The following UBE2K variants were observed in gnomAD, a reference collection of about 807,000 sequenced individuals.
The protein encoded by UBE2K is ubiquitin conjugating enzyme E2 K, also known as ubiquitin-conjugating enzyme E2 K.
In UBE2K, 6 loss-of-function variants were observed where a neutral mutation model predicts 30.0. The ratio of observed to expected loss-of-function variants is 0.20; its 90% CI spans 0.11 to 0.39. The LOEUF (loss-of-function observed/expected upper bound fraction) is 0.39. UBE2K is among the 10% of genes least tolerant of loss of function. The probability of loss-of-function intolerance (pLI) is 1.00; values close to 1 mark genes in which losing one functional copy is unlikely to be tolerated. For missense variants in UBE2K, 61 were observed against 241.6 expected (o/e 0.25, Z 4.96); for synonymous variants, 86 against 83.7 (o/e 1.03, Z -0.15).
chr4:39,706,278 A>G (rs888419165), intron 1 of UBE2K, among the ~76,000 whole-genome samples: 9 of 151,906 alleles, frequency 5.9e-5, no homozygotes, highest in Non-Finnish European at 1.2e-4. Flanking sequence ...GGCCTCCCAA[A>G]GTGCTGGGAT....
intron 5 of UBE2K, among the ~76,000 whole-genome samples, chr4:39,775,758 C>G (rs1261578590): frequency 6.6e-6 from 1 of 152,120 alleles, no homozygotes; most frequent in Non-Finnish European, 1.5e-5. Context: ...TCTCAAAAAA[C>G]AAATTTGCCA....
chr4:39,770,327 C>G, intron 4 of UBE2K: 1 of 1,613,460 alleles, frequency 6.2e-7, no homozygotes, highest in South Asian at 1.1e-5. Context: ...GATGCACGTT[C>G]CTGTGGTGGT....
intron 4 of UBE2K, among the ~76,000 whole-genome samples, chr4:39,766,263 A>T (rs1245442787): frequency 6.6e-6 from 1 of 152,062 alleles, no homozygotes; most frequent in East Asian, 1.9e-4. Context: ...CAAGTAGTGC[A>T]CAAGAGTTCC....
intron 4 of UBE2K, among the ~76,000 whole-genome samples, chr4:39,767,647 G>C (rs1231537459): frequency 1.3e-5 from 2 of 152,078 alleles, no homozygotes; most frequent in East Asian, 3.9e-4. Flanking sequence ...TTCAAGAAAA[G>C]TGTTTATTGC....
chr4:39,711,464 A>G (rs892303655), intron 1 of UBE2K, among the ~76,000 whole-genome samples: 6 of 151,822 alleles, frequency 4.0e-5, no homozygotes, highest in African/African-American at 1.5e-4. Context: ...GCCCGGCAGC[A>G]TTATTTTTTA....
chr4:39,699,124 G>C (rs576027245), intron 1 of UBE2K, among the ~76,000 whole-genome samples: 2 of 152,262 alleles, frequency 1.3e-5, no homozygotes, highest in African/African-American at 2.4e-5. Flanking sequence ...GCAAAGGCAA[G>C]GTGTTTGGTG....
chr4:39,777,613 AT>A (rs3839129), intron 5 of UBE2K, 68 bp from the exon 6 acceptor site: 109,589 of 1,361,350 alleles, frequency 0.081, 8,969 homozygotes, highest in African/African-American at 0.42. Context: ...ATTGTAGGCG[AT>A]TAAGAGCTGA....
chr4:39,715,951 A>G (rs1183644347), intron 1 of UBE2K, among the ~76,000 whole-genome samples: 1 of 152,202 alleles, frequency 6.6e-6, no homozygotes. Flanking sequence ...TGTCATACTG[A>G]AACTGCTCCT....
intron 1 of UBE2K, among the ~76,000 whole-genome samples, chr4:39,701,505 G>A (rs1474142501): frequency 6.6e-6 from 1 of 152,148 alleles, no homozygotes; most frequent in Admixed American, 6.6e-5. Context: ...AGAAAATAGA[G>A]ATTTAGAGAA....
At position 39,781,824 on chromosome 4, in the gene UBE2K, C is replaced by G. The variant is rs150895830; in HGVS notation, c.*3390C>G. 4,151 of 397,388 alleles carry G rather than the reference C, an allele frequency of 0.01. 30 individuals carry two copies. The highest frequency in any genetic ancestry group is 0.016 in the Middle Eastern group (26 of 1,586). 24.6% of individuals were successfully genotyped at this position (397,388 alleles called of 1,614,324 possible). A position where few individuals can be genotyped will look rare whatever the true frequency, so the allele number is the denominator to read the frequency against. ...TTCAAGGAATTTCAATTCCAGGGTACAAACCATTGATTTAAAAATTACGTT... is the reference window on the plus strand; with the variant it reads ...TTCAAGGAATTTCAATTCCAGGGTAGAAACCATTGATTTAAAAATTACGTT... On this transcript the variant is annotated 3_prime_UTR_variant, in exon 7 of 7. Coordinates refer to ENST00000261427, the MANE Select transcript of UBE2K (RefSeq NM_005339.5).
intron 2 of UBE2K, among the ~76,000 whole-genome samples, chr4:39,743,213 CTT>C (rs930823218): frequency 3.3e-5 from 5 of 152,114 alleles, no homozygotes; most frequent in African/African-American, 9.7e-5. Context: ...TCTTGTTTGA[CTT>C]TTTGAAGAGC....
At chr4:39,701,791 C>T (rs543392854) in intron 1 of UBE2K, among the ~76,000 whole-genome samples, 4 of 150,504 alleles carry the variant, frequency 2.7e-5, no homozygotes, top group East Asian at 1.9e-4. Flanking sequence ...GAAGGAATCT[C>T]GCTGTCTCGC....
In UBE2K at chr4:39,708,022, G is replaced by A. The variant is rs186404147; in HGVS notation, c.63+9632G>A. ...AGCGATTCTCCTGCCTCAGTCTCCC[G>A]AGAAGCTGGGATTACAGGCATGCAC... On this transcript the variant is annotated intron_variant, in intron 1 of 6. Transcript: ENST00000261427. Among the ~76,000 whole-genome samples, 159 of 151,828 alleles carry A rather than the reference G, an allele frequency of 1.0e-3. 1 individual carries two copies. Among genetic ancestry groups the A allele is most frequent in the African/African-American group, 3.8e-3 (156 of 41,438 alleles).
rs1259376775 is a variant in UBE2K at position 39,714,543 on chromosome 4, TATA to T, written c.63+16154_63+16156del. On this transcript the variant is annotated intron_variant, in intron 1 of 6. Transcript: ENST00000261427. ...ATATATATATATATATATATATATA[TATA>T]TATATTTTTTTTTTTTTTTAAGACT... The T allele has an allele frequency of 8.2e-3, 458 of 56,092 alleles. 15 individuals are homozygous for T. Among genetic ancestry groups the T allele is most frequent in the Non-Finnish European group, 0.011 (383 of 34,988 alleles). 3.5% of individuals were successfully genotyped at this position (56,092 alleles called of 1,614,324 possible). A position where few individuals can be genotyped will look rare whatever the true frequency, so the allele number is the denominator to read the frequency against.
chr4:39,726,082 G>A (rs1394836426), intron 1 of UBE2K, among the ~76,000 whole-genome samples: 1 of 152,118 alleles, frequency 6.6e-6, no homozygotes, highest in African/African-American at 2.4e-5. Flanking sequence ...ATCCTTCCTT[G>A]CCTCTTCCTA....
intron 1 of UBE2K, among the ~76,000 whole-genome samples, chr4:39,711,420 C>G (rs906222702): frequency 1.3e-5 from 2 of 151,730 alleles, no homozygotes; most frequent in Admixed American, 1.3e-4. Context: ...CCTCGGCCTC[C>G]CAAAGTGCTG....
At chr4:39,746,857 A>G (rs905333218) in intron 3 of UBE2K, among the ~76,000 whole-genome samples, 4 of 152,188 alleles carry the variant, frequency 2.6e-5, no homozygotes, top group African/African-American at 9.7e-5. Flanking sequence ...ATTTTATACA[A>G]TTTATATAGT....
chr4:39,717,370 A>G (rs1481758739), intron 1 of UBE2K, among the ~76,000 whole-genome samples: 2 of 151,864 alleles, frequency 1.3e-5, no homozygotes, highest in Admixed American at 6.6e-5. Flanking sequence ...AGCTGGGATT[A>G]CAGATGCATG....
chr4:39,710,131 C>A (rs1346745904), intron 1 of UBE2K: 1 of 151,948 alleles, frequency 6.6e-6, no homozygotes, highest in Non-Finnish European at 1.5e-5. Flanking sequence ...GGAAAAAAGT[C>A]TGTAACTGGT....
Sources: allele counts gnomAD v4.1 joint callset (sites outside exome capture counted in the v4.1 genomes callset), GRCh38; gene constraint gnomAD v4.1.1; transcripts MANE v1.5; gene names NCBI Gene and HGNC (gene_info 2026-07-23, HGNC 2026-07-21).